ACTN4: variants seen among roughly 807,000 people sequenced by gnomAD.
ACTN4 encodes actinin alpha 4, also known as alpha-actinin-4.
In ACTN4, 18 loss-of-function variants were observed where a neutral mutation model predicts 114.2. The observed-to-expected ratio is 0.16, with a 90% CI of 0.11 to 0.23. The LOEUF (loss-of-function observed/expected upper bound fraction) is 0.23, where lower values mean the gene tolerates loss of function less well. ACTN4 is among the 10% of genes least tolerant of loss of function. The pLI is 1.00. For missense variants in ACTN4, 722 were observed against 1,262.9 expected (o/e 0.57, Z 6.49); for synonymous variants, 515 against 506.3 (o/e 1.02, Z -0.23).
chr19:38,696,365 A>C (rs889479360), intron 1 of ACTN4, among the ~76,000 whole-genome samples: 1 of 152,106 alleles, frequency 6.6e-6, no homozygotes, highest in Admixed American at 6.5e-5. Context: ...TCGGCTGCCC[A>C]CATTCTGAGA....
At position 38,673,556 on chromosome 19, in the gene ACTN4, CTT is replaced by C. The variant is rs1967230058; in HGVS notation, c.162+25650_162+25651del. 6.4e-4 allele frequency among the ~76,000 whole-genome samples: 19 copies of C among 29,612 alleles called. 1 individual carries two copies. Among genetic ancestry groups the C allele is most frequent in the African/African-American group, 1.6e-3 (18 of 11,436 alleles). 19.4% of individuals were successfully genotyped at this position (29,612 alleles called of 152,430 possible). ...ATATACTTATATATATTTATATATACTTATATATATTTATATATATTCATATA... is the reference window on the plus strand; with the variant it reads ...ATATACTTATATATATTTATATATACATATATATTTATATATATTCATATA... On this transcript the variant is annotated intron_variant, in intron 1 of 20. Coordinates refer to ENST00000252699, the MANE Select transcript of ACTN4 (RefSeq NM_004924.6).
Position 38,729,315 on chromosome 19 carries a change from C to T in ACTN4, c.2619C>T (p.Pro873=), listed in dbSNP as rs917913570. 5.0e-6 allele frequency: 8 copies of T among 1,612,770 alleles called. No individual in the cohort carries two copies. Among genetic ancestry groups the T allele is most frequent in the South Asian group, 1.1e-5 (1 of 91,094 alleles). ...TAEELRRELP[P]DQAEYCIARM... ...AGGAGCTGCGGAGAGAGCTGCCCCC[C>T]GACCAGGCCGAGTACTGCATCGCCC... is the stretch of plus-strand genomic sequence containing the variant. Residue 873 remains proline (P), a synonymous_variant, in exon 21 of 21, where the codon CCC becomes CCT. Transcript: ENST00000252699.
intron 1 of ACTN4, among the ~76,000 whole-genome samples, chr19:38,679,566 TGC>T (rs1443047787): frequency 2.3e-5 from 3 of 129,994 alleles, no homozygotes; most frequent in South Asian, 2.9e-4. Context: ...GATTTGGGTG[TGC>T]GTGTGTGTGT....
In ACTN4 at chr19:38,700,658, T is replaced by C. The variant is rs1324483523; in HGVS notation, c.221T>C (p.Ile74Thr). Residue 74 changes from isoleucine (I) to threonine (T), a missense_variant, in exon 2 of 21, where the codon ATT becomes ACT. Physicochemically the swap from Ile to Thr is moderately conservative, Grantham distance 89. Around this residue, in one of 3 missense-constraint regions of ACTN4, gnomAD observed 127 missense variants for 311.3 expected, o/e 0.41. Transcript: ENST00000252699. ...LRKAGTQIEN[I>T]DEDFRDGLKL... The stretch of plus-strand genomic sequence containing the variant: ...AAGGCAGGCACACAGATCGAGAACA[T>C]TGATGAGGACTTCCGAGACGGGCTC... 1.2e-6 allele frequency: 2 copies of C among 1,614,158 alleles called. No individual in the cohort carries two copies. Among genetic ancestry groups the C allele is most frequent in the South Asian group, 1.1e-5 (1 of 91,082 alleles).
intron 12 of ACTN4, among the ~76,000 whole-genome samples, chr19:38,722,242 C>T (rs762317613): frequency 3.9e-4 from 60 of 152,310 alleles, no homozygotes; most frequent in Non-Finnish European, 7.8e-4. Flanking sequence ...GGCCTTATTC[C>T]ACCAGTGCAG....
chr19:38,727,805 C>A lies in ACTN4; in HGVS notation c.2338-141C>A. Reference sequence around the variant, plus strand: ...CCCGACCCCACGTGTCCCTGGCCATCTCCTTGTCCATGTTGCCTCTAACTC... The same window carrying A: ...CCCGACCCCACGTGTCCCTGGCCATATCCTTGTCCATGTTGCCTCTAACTC... On this transcript the variant is annotated intron_variant, in intron 18 of 20. Coordinates refer to ENST00000252699, the MANE Select transcript of ACTN4 (RefSeq NM_004924.6). The surrounding 1 kb of genome is among the most constrained non-coding windows in gnomAD (Gnocchi z 5.4). 1 of 777,268 alleles carries A rather than the reference C, an allele frequency of 1.3e-6. No individual in the cohort carries two copies. The highest frequency in any genetic ancestry group is 2.1e-6 in the Non-Finnish European group (1 of 466,776). The allele number at this position is 777,268 out of a possible 1,614,324, so 48.1% of individuals were successfully genotyped here.
At chr19:38,653,294 AT>A (rs1192324217) in intron 1 of ACTN4, among the ~76,000 whole-genome samples, 1 of 152,018 alleles carries the variant, frequency 6.6e-6, no homozygotes, top group African/African-American at 2.4e-5. Flanking sequence ...AAAAGAATTG[AT>A]TTGGGAAGGC....
intron 1 of ACTN4, among the ~76,000 whole-genome samples, chr19:38,673,909 G>C (rs1967292749): frequency 1.4e-5 from 2 of 147,956 alleles, no homozygotes; most frequent in Admixed American, 1.4e-4. Flanking sequence ...AGCCTCCTGA[G>C]TAGCTGGGAT....
chr19:38,656,936 C>T (rs1485135604), intron 1 of ACTN4, among the ~76,000 whole-genome samples: 2 of 152,100 alleles, frequency 1.3e-5, no homozygotes, highest in East Asian at 3.9e-4. Flanking sequence ...GTATACCCCA[C>T]TTTGTGTTTT....
chr19:38,668,952 G>A (rs1206978092), intron 1 of ACTN4, among the ~76,000 whole-genome samples: 1 of 152,064 alleles, frequency 6.6e-6, no homozygotes, highest in Non-Finnish European at 1.5e-5. Flanking sequence ...GTATGGTTTC[G>A]TAGGCTCCCC....
Position 38,717,162 on chromosome 19 carries a change from A to G in ACTN4, c.989A>G (p.Gln330Arg). The change falls in exon 10 of 21, where the codon CAG becomes CGG. Residue 330 changes from glutamine (Q) to arginine (R), a missense_variant. This residue lies in a region of ACTN4 where 523 missense variants were observed against 875.9 expected (regional missense o/e 0.60). Coordinates refer to ENST00000252699, the MANE Select transcript of ACTN4 (RefSeq NM_004924.6). The surrounding 1 kb of genome is among the most constrained non-coding windows in gnomAD (Gnocchi z 4.0). ...CAAAAGACTATCCAGGAGATGCAGC[A>G]GAAGCTGGAGGACTTCCGCGACTAC... ...VPQKTIQEMQ[Q>R]KLEDFRDYRR... 6.2e-7 allele frequency: 1 copy of G among 1,614,286 alleles called. No homozygotes were observed. Among genetic ancestry groups the G allele is most frequent in the South Asian group, 1.1e-5 (1 of 91,092 alleles).
intron 1 of ACTN4, 87 bp from the exon 2 acceptor site, chr19:38,700,513 G>T: frequency 1.8e-6 from 2 of 1,106,212 alleles, no homozygotes; most frequent in Non-Finnish European, 1.4e-6. Flanking sequence ...GTTCTCCTGA[G>T]GTCAGAGCTG....
chr19:38,668,890 C>T (rs1430044683), intron 1 of ACTN4, among the ~76,000 whole-genome samples: 1 of 152,104 alleles, frequency 6.6e-6, no homozygotes, highest in Admixed American at 6.6e-5. Flanking sequence ...GTGTTCAGAG[C>T]TGCCTCCCTT....
At position 38,730,977 on chromosome 19, in the gene ACTN4, C is replaced by T. The variant is rs1338095343; in HGVS notation, c.*1545C>T. 1 of 1,551,002 alleles carries T rather than the reference C, an allele frequency of 6.4e-7. No individual in the cohort carries two copies. Among genetic ancestry groups the T allele is most frequent in the East Asian group, 2.4e-5 (1 of 40,956 alleles). On this transcript the variant is annotated 3_prime_UTR_variant, in exon 21 of 21. Transcript: ENST00000252699. ...CCACCTGGCTCACCTGTCTGTGGGT[C>T]AGGCAGATGACCCCCTCACCCCCAT...
chr19:38,731,020 T>A lies in ACTN4; in HGVS notation c.*1588T>A. 6.4e-7 allele frequency: 1 copy of A among 1,554,168 alleles called. No individual in the cohort carries two copies. Among genetic ancestry groups the A allele is most frequent in the South Asian group, 1.2e-5 (1 of 84,450 alleles). On this transcript the variant is annotated 3_prime_UTR_variant, in exon 21 of 21. Transcript: ENST00000252699. Reference sequence around the variant, plus strand: ...ACCCCCATCCAGGTGCTGGCTGCAGTGGCCTGTGCAGAGAGGGGCAGGGTG... The same window carrying A: ...ACCCCCATCCAGGTGCTGGCTGCAGAGGCCTGTGCAGAGAGGGGCAGGGTG...
At chr19:38,702,441 C>T (rs1464673362) in intron 3 of ACTN4, among the ~76,000 whole-genome samples, 1 of 152,194 alleles carries the variant, frequency 6.6e-6, no homozygotes, top group Admixed American at 6.5e-5. Flanking sequence ...GCCGGAGGCA[C>T]AGCTGCAGGT....
Position 38,647,703 on chromosome 19 carries a change from A to G in ACTN4, c.-43A>G, listed in dbSNP as rs545517811. On this transcript the variant is annotated 5_prime_UTR_variant, in exon 1 of 21. Transcript: ENST00000252699. ...GGCTCGGGCAGAGGGGCGGGAGCTG[A>G]GGCGGGAGCGGACAGGCTGGTGGGC... 7.4e-5 allele frequency: 113 copies of G among 1,518,126 alleles called. 1 individual carries two copies. In the Middle Eastern group the frequency reaches 3.1e-3, roughly 42 times the overall value. The allele number at this position is 1,518,126 out of a possible 1,614,324, so 94.0% of individuals were successfully genotyped here.
intron 1 of ACTN4, among the ~76,000 whole-genome samples, chr19:38,694,680 G>T (rs954596272): frequency 2.0e-5 from 3 of 152,126 alleles, no homozygotes; most frequent in Non-Finnish European, 2.9e-5. Flanking sequence ...ATCTGTGTCT[G>T]TGTGACATTA....
intron 1 of ACTN4, among the ~76,000 whole-genome samples, chr19:38,672,362 T>C (rs1967157303): frequency 6.8e-6 from 1 of 147,940 alleles, no homozygotes; most frequent in Non-Finnish European, 1.5e-5. Context: ...TGCCTCAGCC[T>C]CCTGAGTAGC....
Sources: allele counts gnomAD v4.1 joint callset (sites outside exome capture counted in the v4.1 genomes callset), GRCh38; gene constraint gnomAD v4.1.1; regional missense constraint gnomAD v4.1.1; non-coding constraint Gnocchi (gnomAD v3.1); transcripts MANE v1.5; gene names NCBI Gene and HGNC (gene_info 2026-07-23, HGNC 2026-07-21).